YTHDC2: variants seen among roughly 807,000 people sequenced by gnomAD.
The protein encoded by YTHDC2 is YTH N6-methyladenosine RNA binding protein C2, also known as 3'-5' RNA helicase YTHDC2.
In YTHDC2, 45 loss-of-function variants were observed where a neutral mutation model predicts 174.9. The ratio of observed to expected loss-of-function variants is 0.26; its 90% CI spans 0.20 to 0.33. The LOEUF (loss-of-function observed/expected upper bound fraction) is 0.33. YTHDC2 is among the 10% of genes least tolerant of loss of function. YTHDC2 has a pLI of 1.00. For missense variants in YTHDC2, 1,650 were observed against 1,723.7 expected (o/e 0.96, Z 0.76); for synonymous variants, 657 against 574.5 (o/e 1.14, Z -2.05).
chr5:113,592,191 AT>A lies in YTHDC2; in HGVS notation c.4212+24del, dbSNP rs113314175. 172,690 of 1,318,900 alleles carry A rather than the reference AT, an allele frequency of 0.13. 7,890 individuals carry two copies. The highest frequency in any genetic ancestry group is 0.15 in the African/African-American group (9,919 of 66,730). The allele number at this position is 1,318,900 out of a possible 1,614,324, so 81.7% of individuals were successfully genotyped here. On this transcript the variant is annotated intron_variant, in intron 28 of 29. Transcript: ENST00000161863. ...CAGGGATGGGCAGGTATACAATGGC[AT>A]TTTTTTTTTTATTTACTTTTGTTTC...
intron 2 of YTHDC2, among the ~76,000 whole-genome samples, chr5:113,521,516 A>G (rs1160056959): frequency 2.0e-5 from 3 of 152,120 alleles, no homozygotes; most frequent in African/African-American, 7.2e-5. Context: ...GGATCACCTG[A>G]GGTCAGGAGT....
At position 113,513,754 on chromosome 5, in the gene YTHDC2, A is replaced by C. The variant is rs1211726048; in HGVS notation, c.-142A>C. The C allele has an allele frequency of 1.1e-5, 9 of 838,744 alleles. No individual in the cohort carries two copies. Among genetic ancestry groups the C allele is most frequent in the African/African-American group, 1.8e-5 (1 of 54,718 alleles). 52.0% of individuals were successfully genotyped at this position (838,744 alleles called of 1,614,324 possible). A position where few individuals can be genotyped will look rare whatever the true frequency, so the allele number is the denominator to read the frequency against. On this transcript the variant is annotated 5_prime_UTR_variant, in exon 1 of 30. Transcript: ENST00000161863. The stretch of plus-strand genomic sequence containing the variant: ...TTCACTTCTGCTGTGGCGGTGACTG[A>C]GGCCTTTCTGGTGACCTCAGCCCAA...
intron 2 of YTHDC2, among the ~76,000 whole-genome samples, chr5:113,521,820 C>A (rs1580475559): frequency 4.2e-5 from 5 of 118,568 alleles, no homozygotes; most frequent in Non-Finnish European, 5.3e-5. Context: ...GACTCTGTCT[C>A]AAAAAAAAAA....
intron 2 of YTHDC2, among the ~76,000 whole-genome samples, chr5:113,520,985 C>G (rs937529424): frequency 6.6e-6 from 1 of 152,174 alleles, no homozygotes; most frequent in Non-Finnish European, 1.5e-5. Flanking sequence ...CATCATTTAG[C>G]TCCTACTTAC....
At chr5:113,532,572 A>G (rs971999565) in intron 4 of YTHDC2, among the ~76,000 whole-genome samples, 4 of 152,154 alleles carry the variant, frequency 2.6e-5, no homozygotes, top group Non-Finnish European at 5.9e-5. Flanking sequence ...TGAATATGGC[A>G]TATTTTCTTT....
intron 2 of YTHDC2, among the ~76,000 whole-genome samples, chr5:113,516,353 G>A (rs1253888164): frequency 6.6e-6 from 1 of 152,112 alleles, no homozygotes; most frequent in Non-Finnish European, 1.5e-5. Flanking sequence ...AAATTGTTTT[G>A]TTTTGTTGGG....
At chr5:113,562,415 G>T (rs1486714859) in intron 18 of YTHDC2, among the ~76,000 whole-genome samples, 1 of 150,200 alleles carries the variant, frequency 6.7e-6, no homozygotes, top group South Asian at 2.1e-4. Flanking sequence ...TTAAAGAGAG[G>T]CAGGATAATG....
intron 23 of YTHDC2, among the ~76,000 whole-genome samples, chr5:113,573,514 C>T (rs1303388511): frequency 6.6e-6 from 1 of 152,022 alleles, no homozygotes; most frequent in Non-Finnish European, 1.5e-5. Flanking sequence ...GAATGTTGGC[C>T]TGTCTTGCTA....
chr5:113,520,224 A>G (rs1773771216), intron 2 of YTHDC2, among the ~76,000 whole-genome samples: 1 of 152,246 alleles, frequency 6.6e-6, no homozygotes, highest in African/African-American at 2.4e-5. Context: ...CGCAAAGGAC[A>G]TGAACTTACT....
chr5:113,585,594 A>G (rs1354623392), intron 26 of YTHDC2, among the ~76,000 whole-genome samples: 2 of 151,976 alleles, frequency 1.3e-5, no homozygotes, highest in South Asian at 2.1e-4. Flanking sequence ...ACACATTTCC[A>G]TCACCCCTAC....
At chr5:113,550,256 C>T (rs1776158491) in intron 12 of YTHDC2, among the ~76,000 whole-genome samples, 2 of 151,448 alleles carry the variant, frequency 1.3e-5, no homozygotes, top group Non-Finnish European at 2.9e-5. Context: ...AGATGTGGGG[C>T]TCTAGAGGGA....
Position 113,513,803 on chromosome 5 carries a change from C to A in YTHDC2, c.-93C>A. Reference sequence around the variant, plus strand: ...AACACAGGCCGTCTCCGGAGCTTCCCGGTAGTGGCCCCGGATTCCCACGGT... The same window carrying A: ...AACACAGGCCGTCTCCGGAGCTTCCAGGTAGTGGCCCCGGATTCCCACGGT... On this transcript the variant is annotated 5_prime_UTR_variant, in exon 1 of 30. Transcript: ENST00000161863. 7.2e-7 allele frequency: 1 copy of A among 1,393,994 alleles called. No homozygotes were observed. 86.4% of individuals were successfully genotyped at this position (1,393,994 alleles called of 1,614,324 possible). A position where few individuals can be genotyped will look rare whatever the true frequency, so the allele number is the denominator to read the frequency against.
At chr5:113,518,490 C>T (rs1308777958) in intron 2 of YTHDC2, among the ~76,000 whole-genome samples, 4 of 151,990 alleles carry the variant, frequency 2.6e-5, no homozygotes, top group Admixed American at 2.6e-4. Flanking sequence ...ACATGAGCCA[C>T]TGGGCCCAGC....
chr5:113,591,652 A>G (rs920664308), intron 27 of YTHDC2, among the ~76,000 whole-genome samples: 24 of 152,138 alleles, frequency 1.6e-4, no homozygotes, highest in African/African-American at 5.3e-4. Flanking sequence ...ATAAAATAAT[A>G]CATTTATTAT....
Position 113,567,225 on chromosome 5 carries a change from G to T in YTHDC2, c.2976G>T (p.Val992=), listed in dbSNP as rs1436486784. The T allele has an allele frequency of 6.2e-7, 1 of 1,613,666 alleles. No homozygotes were observed. The highest frequency in any genetic ancestry group is 8.5e-7 in the Non-Finnish European group (1 of 1,179,868). ...TCCACGTGGACAGAGAGAATCTAGT[G>T]TTGACAGGGCCAAAGGAGAAAAAAG... ...NLVHVDRENL[V]LTGPKEKKVR... Residue 992 remains valine, a synonymous_variant, in exon 22 of 30, where the codon GTG becomes GTT. Transcript: ENST00000161863.
In YTHDC2 at chr5:113,591,983, A is replaced by G. The variant is rs1022358752; in HGVS notation, c.4030-13A>G. The G allele has an allele frequency of 7.5e-6, 12 of 1,591,226 alleles. No homozygotes were observed. The highest frequency in any genetic ancestry group is 2.7e-5 in the African/African-American group (2 of 73,910). Reference sequence around the variant, plus strand: ...CTCCTCACCTCTATTCCTTCCTCCCATTTTACCTACAGGGATTTTCTAGGA... The same window carrying G: ...CTCCTCACCTCTATTCCTTCCTCCCGTTTTACCTACAGGGATTTTCTAGGA... On this transcript the variant is annotated splice_polypyrimidine_tract_variant and intron_variant, in intron 27 of 29. Coordinates refer to ENST00000161863, the MANE Select transcript of YTHDC2 (RefSeq NM_022828.5).
At chr5:113,525,279 C>T in intron 3 of YTHDC2, 102 bp downstream of exon 3, 2 of 987,522 alleles carry the variant, frequency 2.0e-6, no homozygotes, top group Non-Finnish European at 2.9e-6. Context: ...AATAAGATTT[C>T]TCAATTGGAA....
chr5:113,526,489 C>T, intron 3 of YTHDC2, 97 bp from the exon 4 acceptor site: 1 of 870,216 alleles, frequency 1.1e-6, no homozygotes, highest in Non-Finnish European at 1.7e-6. Flanking sequence ...TGTCTTTTGG[C>T]ATGTTTTTCT....
At chr5:113,577,713 A>G (rs1248858823) in intron 23 of YTHDC2, among the ~76,000 whole-genome samples, 2 of 152,146 alleles carry the variant, frequency 1.3e-5, no homozygotes, top group African/African-American at 4.8e-5. Context: ...GAAATTTAGT[A>G]TCTTTTAATT....
Sources: gnomAD v4.1 joint callset for allele counts (sites outside exome capture counted in the v4.1 genomes callset) on GRCh38, gnomAD v4.1.1 for gene constraint, MANE v1.5 for transcripts, NCBI Gene and HGNC (gene_info 2026-07-23, HGNC 2026-07-21) for gene names.